The following DOK6 variants were observed in gnomAD, a reference collection of about 807,000 sequenced individuals.
The protein encoded by DOK6 is docking protein 6, also known as downstream of tyrosine kinase 6.
In DOK6, 22 loss-of-function variants were observed where a neutral mutation model predicts 44.0. That is an observed-to-expected ratio of 0.50 (90% CI 0.36 to 0.71). The LOEUF is 0.71. Among genes scored for constraint, DOK6 ranks in the 30% least tolerant of loss-of-function variants. The pLI, the probability that DOK6 is intolerant of heterozygous loss-of-function variation, is 0.00. For synonymous variants in DOK6, 166 were observed against 145.5 expected (o/e 1.14, Z -1.01); for missense variants, 340 against 416.4 (o/e 0.82, Z 1.60).
At chr18:69,575,754 A>G (rs1983223605) in intron 2 of DOK6, among the ~76,000 whole-genome samples, 1 of 152,160 alleles carries the variant, frequency 6.6e-6, no homozygotes. Flanking sequence ...AAGAGAGAAT[A>G]TATTTATTTT....
At chr18:69,748,951 C>T (rs550194286) in intron 6 of DOK6, among the ~76,000 whole-genome samples, 6 of 152,296 alleles carry the variant, frequency 3.9e-5, no homozygotes, top group African/African-American at 1.4e-4. Flanking sequence ...GTGGTATATA[C>T]ATACCATGAA....
intron 2 of DOK6, among the ~76,000 whole-genome samples, chr18:69,583,380 T>C (rs1983413394): frequency 6.6e-6 from 1 of 152,240 alleles, no homozygotes; most frequent in Non-Finnish European, 1.5e-5. Flanking sequence ...TGTTTTGTTT[T>C]TTTACTGGAG....
intron 3 of DOK6, among the ~76,000 whole-genome samples, chr18:69,630,082 C>T (rs568694795): frequency 6.6e-6 from 1 of 152,264 alleles, no homozygotes; most frequent in East Asian, 1.9e-4. Flanking sequence ...CCAGCAGAAA[C>T]TGTAATATAC....
In DOK6 at chr18:69,712,581, A is replaced by G. The variant is rs561504289; in HGVS notation, c.599+13988A>G. On this transcript the variant is annotated intron_variant, in intron 5 of 7. Transcript: ENST00000382713. Reference sequence around the variant, plus strand: ...ACATTGGGACCTGGCAAGGTGGCTCATGCCTGTAATCCCAGCACTTTGGGA... The same window carrying G: ...ACATTGGGACCTGGCAAGGTGGCTCGTGCCTGTAATCCCAGCACTTTGGGA... 2.6e-5 allele frequency among the ~76,000 whole-genome samples: 4 copies of G among 152,292 alleles called. No homozygotes were observed. In the East Asian group the frequency reaches 7.8e-4, roughly 30 times the overall value.
chr18:69,615,039 G>C (rs1659805806), intron 3 of DOK6, among the ~76,000 whole-genome samples: 1 of 152,050 alleles, frequency 6.6e-6, no homozygotes, highest in African/African-American at 2.4e-5. Flanking sequence ...CCACAAAGCT[G>C]ATTTAATAAA....
intron 1 of DOK6, among the ~76,000 whole-genome samples, chr18:69,562,281 T>G (rs188360774): frequency 6.6e-6 from 1 of 151,000 alleles, no homozygotes; most frequent in African/African-American, 2.5e-5. Flanking sequence ...GTAGTCTGGG[T>G]TTTTTTTTCA....
intron 7 of DOK6, among the ~76,000 whole-genome samples, chr18:69,839,932 CT>C (rs956091087): frequency 2.2e-4 from 33 of 151,614 alleles, no homozygotes; most frequent in African/African-American, 6.5e-4. Flanking sequence ...TCTAAAACAA[CT>C]TTTTTTTTAA....
At chr18:69,682,833 A>G (rs1178159930) in intron 4 of DOK6, among the ~76,000 whole-genome samples, 1 of 152,234 alleles carries the variant, frequency 6.6e-6, no homozygotes, top group African/African-American at 2.4e-5. Context: ...TTCTAATCAA[A>G]GTAGCTTACA....
chr18:69,822,527 A>G (rs1311113071), intron 7 of DOK6, among the ~76,000 whole-genome samples: 1 of 152,144 alleles, frequency 6.6e-6, no homozygotes, highest in Non-Finnish European at 1.5e-5. Flanking sequence ...AGTTTGGGGA[A>G]CCCCAGTGTT....
At chr18:69,840,296 A>G (rs1307080249) in intron 7 of DOK6, among the ~76,000 whole-genome samples, 1 of 152,266 alleles carries the variant, frequency 6.6e-6, no homozygotes, top group East Asian at 1.9e-4. Flanking sequence ...AAACTCTGAA[A>G]GAGCATGACT....
intron 4 of DOK6, among the ~76,000 whole-genome samples, chr18:69,688,718 C>T (rs1016992302): frequency 2.0e-5 from 3 of 152,162 alleles, no homozygotes; most frequent in Non-Finnish European, 4.4e-5. Flanking sequence ...GATGGGGTTT[C>T]GCCATGTTGG....
intron 1 of DOK6, among the ~76,000 whole-genome samples, chr18:69,442,735 TTATAC>T (rs961873939): frequency 1.4e-5 from 2 of 145,476 alleles, no homozygotes; most frequent in Non-Finnish European, 2.9e-5. Context: ...GCTTATTGTC[TTATAC>T]TATACTTATA....
intron 1 of DOK6, among the ~76,000 whole-genome samples, chr18:69,541,457 CATTTCCAATCAT>C (rs1849752883): frequency 6.6e-6 from 1 of 151,420 alleles, no homozygotes; most frequent in Non-Finnish European, 1.5e-5. Flanking sequence ...AAAACCCAAC[CATTTCCAATCAT>C]TTATGAGAGA....
At chr18:69,733,732 CAT>C (rs74175381) in intron 5 of DOK6, among the ~76,000 whole-genome samples, 78,787 of 151,722 alleles carry the variant, frequency 0.52, 23,591 homozygotes, top group East Asian at 0.69. Flanking sequence ...ATAATTTTTT[CAT>C]AGAGTTCTTT....
At chr18:69,669,938 T>G (rs949553962) in intron 3 of DOK6, among the ~76,000 whole-genome samples, 2 of 152,334 alleles carry the variant, frequency 1.3e-5, no homozygotes, top group African/African-American at 4.8e-5. Flanking sequence ...TTTGGTGTTT[T>G]ATTACTGACA....
chr18:69,421,145 A>T (rs986186788), intron 1 of DOK6, among the ~76,000 whole-genome samples: 2 of 152,184 alleles, frequency 1.3e-5, no homozygotes, highest in South Asian at 4.1e-4. Context: ...TTACAAAAAC[A>T]TTCTATATGC....
At chr18:69,817,586 T>A (rs1182610135) in intron 7 of DOK6, among the ~76,000 whole-genome samples, 1 of 152,140 alleles carries the variant, frequency 6.6e-6, no homozygotes, top group East Asian at 1.9e-4. Context: ...GAGAGAGAAC[T>A]GCATTCTCTC....
chr18:69,644,888 G>A (rs1304146650), intron 3 of DOK6, among the ~76,000 whole-genome samples: 1 of 152,134 alleles, frequency 6.6e-6, no homozygotes. Context: ...CCCAATTCTT[G>A]CTGCATATTT....
At position 69,739,003 on chromosome 18, in the gene DOK6, C is replaced by G; in HGVS notation, c.638C>G (p.Thr213Arg). 1 of 1,614,006 alleles carries G rather than the reference C, an allele frequency of 6.2e-7. No homozygotes were observed. Among genetic ancestry groups the G allele is most frequent in the Admixed American group, 1.7e-5 (1 of 60,014 alleles). Residue 213 changes from threonine to arginine, a missense_variant, in exon 6 of 8, where the codon ACA (threonine) becomes AGA (arginine). Physicochemically the swap from Thr to Arg is moderately conservative, Grantham distance 71. Transcript: ENST00000382713. Reference sequence around the variant, plus strand: ...GGAGAAGGACTATTCACTTTTCAAACAAGGGAAGGAGAAATGATCTATCAG... The same window carrying G: ...GGAGAAGGACTATTCACTTTTCAAAGAAGGGAAGGAGAAATGATCTATCAG... ...DTGEGLFTFQ[T>R]REGEMIYQKV... is the part of the protein sequence containing the mutation.
Sources: allele counts gnomAD v4.1 joint callset (sites outside exome capture counted in the v4.1 genomes callset), GRCh38; gene constraint gnomAD v4.1.1; transcripts MANE v1.5; gene names NCBI Gene and HGNC (gene_info 2026-07-23, HGNC 2026-07-21).